Variants in CALN1 observed in about 807,000 individuals in gnomAD.
The protein encoded by CALN1 is calneuron 1.
Under a neutral mutation model 30.6 loss-of-function variants are expected in CALN1, and 17 were observed. The observed-to-expected ratio is 0.56, with a 90% CI of 0.38 to 0.83. The LOEUF is 0.83. Among genes scored for constraint, CALN1 ranks in the 40% least tolerant of loss-of-function variants. The probability of loss-of-function intolerance (pLI) is 0.00; values close to 1 mark genes in which losing one functional copy is unlikely to be tolerated. For synonymous variants in CALN1, 156 were observed against 131.4 expected (o/e 1.19, Z -1.28); for missense variants, 291 against 354.9 (o/e 0.82, Z 1.45).
intron 6 of CALN1, among the ~76,000 whole-genome samples, chr7:71,797,976 G>C (rs1787026342): frequency 6.6e-6 from 1 of 152,026 alleles, no homozygotes; most frequent in Non-Finnish European, 1.5e-5. Flanking sequence ...ACCTTGTGAA[G>C]AGAGAGTCTG....
intron 5 of CALN1, among the ~76,000 whole-genome samples, chr7:71,993,437 G>A (rs1166301337): frequency 6.6e-6 from 1 of 150,874 alleles, no homozygotes; most frequent in Non-Finnish European, 1.5e-5. Flanking sequence ...CTGCACCCCA[G>A]CCTGGGCAAC....
chr7:71,930,107 A>G (rs1348753443), intron 5 of CALN1, among the ~76,000 whole-genome samples: 1 of 152,238 alleles, frequency 6.6e-6, no homozygotes, highest in African/African-American at 2.4e-5. Flanking sequence ...GGTTTAGGGA[A>G]TAGTGACTAA....
intron 3 of CALN1, among the ~76,000 whole-genome samples, chr7:72,183,186 C>T (rs1789940025): frequency 6.6e-6 from 1 of 152,138 alleles, no homozygotes; most frequent in African/African-American, 2.4e-5. Flanking sequence ...GCCTCAGTCT[C>T]CCAAGTAGCT....
In CALN1 at chr7:72,163,128, G is replaced by A. The variant is rs551627745; in HGVS notation, c.245-56834C>T. On this transcript the variant is annotated intron_variant, in intron 3 of 6. Coordinates refer to ENST00000395275, the MANE Select transcript of CALN1 (RefSeq NM_031468.4). ...GTCAAATTACAGAGATTGGCAAAAC[G>A]TTTGGAATTTCAATTGAAACTAGAA... Among the ~76,000 whole-genome samples the A allele has an allele frequency of 1.2e-3, 179 of 152,214 alleles. 1 individual carries two copies. The highest frequency in any genetic ancestry group is 3.4e-3 in the Middle Eastern group (1 of 294).
At chr7:71,835,532 C>T (rs1291458333) in intron 5 of CALN1, among the ~76,000 whole-genome samples, 1 of 152,178 alleles carries the variant, frequency 6.6e-6, no homozygotes, top group African/African-American at 2.4e-5. Flanking sequence ...CACGGCTAAG[C>T]TGTGCAATGT....
intron 2 of CALN1, among the ~76,000 whole-genome samples, chr7:72,320,834 C>CAAA (rs56192893): frequency 5.5e-4 from 37 of 67,104 alleles, no homozygotes; most frequent in Middle Eastern, 9.1e-3. Flanking sequence ...GACTCCATCT[C>CAAA]AAAAAAAAAA....
At chr7:72,009,149 A>G (rs893150643) in intron 5 of CALN1, among the ~76,000 whole-genome samples, 2 of 152,216 alleles carry the variant, frequency 1.3e-5, no homozygotes, top group Non-Finnish European at 2.9e-5. Context: ...TAGCAAGCCT[A>G]AAGTCAAAGT....
chr7:71,852,331 T>C (rs1465723971), intron 5 of CALN1, among the ~76,000 whole-genome samples: 1 of 152,016 alleles, frequency 6.6e-6, no homozygotes, highest in African/African-American at 2.4e-5. Flanking sequence ...AACAAGTATG[T>C]ATTTAGCTTT....
At chr7:71,962,386 G>C (rs1007371386) in intron 5 of CALN1, among the ~76,000 whole-genome samples, 1 of 152,166 alleles carries the variant, frequency 6.6e-6, no homozygotes, top group Non-Finnish European at 1.5e-5. Flanking sequence ...CTGGGTGAAA[G>C]AGAGAGACCC....
intron 5 of CALN1, among the ~76,000 whole-genome samples, chr7:71,959,574 T>C (rs952737317): frequency 1.3e-5 from 2 of 152,036 alleles, no homozygotes; most frequent in Admixed American, 6.6e-5. Context: ...ACTTGGAGTT[T>C]AGGACATCTC....
At chr7:71,995,485 T>C (rs1799207395) in intron 5 of CALN1, among the ~76,000 whole-genome samples, 1 of 152,144 alleles carries the variant, frequency 6.6e-6, no homozygotes, top group East Asian at 1.9e-4. Flanking sequence ...AGCTCCTGTA[T>C]CAAAATTAAC....
chr7:71,784,422 A>C lies in CALN1; in HGVS notation c.*3353T>G. 1 of 167,802 alleles carries C rather than the reference A, an allele frequency of 6.0e-6. No homozygotes were observed. Among genetic ancestry groups the C allele is most frequent in the Non-Finnish European group, 1.3e-5 (1 of 78,844 alleles). The allele number at this position is 167,802 out of a possible 1,614,324, so 10.4% of individuals were successfully genotyped here. ...GGTGGAATGCAAGGGTTGCCATGGT[A>C]ATATCCCTCTTTTTTTTTTGTCAGA... On this transcript the variant is annotated 3_prime_UTR_variant, in exon 7 of 7. Transcript: ENST00000395275.
At chr7:72,199,204 G>T (rs987297857) in intron 3 of CALN1, among the ~76,000 whole-genome samples, 1 of 152,180 alleles carries the variant, frequency 6.6e-6, no homozygotes, top group African/African-American at 2.4e-5. Flanking sequence ...GAACCTGAGA[G>T]GTGAAGGTTG....
At chr7:71,979,304 T>C (rs961544051) in intron 5 of CALN1, among the ~76,000 whole-genome samples, 1 of 152,288 alleles carries the variant, frequency 6.6e-6, no homozygotes, top group Non-Finnish European at 1.5e-5. Context: ...GATTGTAATA[T>C]ATAATGAAAC....
At chr7:72,311,088 C>A (rs1334147272) in intron 2 of CALN1, among the ~76,000 whole-genome samples, 5 of 151,988 alleles carry the variant, frequency 3.3e-5, no homozygotes, top group Non-Finnish European at 7.4e-5. Context: ...TCCGACTCTG[C>A]CACCCCTTGG....
intron 5 of CALN1, among the ~76,000 whole-genome samples, chr7:71,941,980 T>C (rs566563331): frequency 7.2e-4 from 109 of 152,156 alleles, no homozygotes; most frequent in African/African-American, 2.4e-3. Context: ...AGGCAGATCA[T>C]CTGAGGTCAG....
intron 4 of CALN1, among the ~76,000 whole-genome samples, chr7:72,080,402 C>T (rs1309309960): frequency 6.6e-6 from 1 of 152,174 alleles, no homozygotes; most frequent in Non-Finnish European, 1.5e-5. Flanking sequence ...TTACTGCGTG[C>T]AGGCAGAACA....
chr7:72,236,226 TCTCA>T (rs1218195804), intron 3 of CALN1, among the ~76,000 whole-genome samples: 1 of 152,168 alleles, frequency 6.6e-6, no homozygotes, highest in Non-Finnish European at 1.5e-5. Context: ...ACGCAACGTC[TCTCA>T]CTTACGTAAA....
At chr7:72,257,118 T>C (rs909716110) in intron 3 of CALN1, among the ~76,000 whole-genome samples, 1 of 152,182 alleles carries the variant, frequency 6.6e-6, no homozygotes, top group South Asian at 2.1e-4. Flanking sequence ...ACATCTTACA[T>C]GGCGGCAAGA....
Sources: gnomAD v4.1 joint callset for allele counts (sites outside exome capture counted in the v4.1 genomes callset) on GRCh38, gnomAD v4.1.1 for gene constraint, MANE v1.5 for transcripts, NCBI Gene and HGNC (gene_info 2026-07-23, HGNC 2026-07-21) for gene names.